The following SLC2A9 variants were observed in gnomAD, a reference collection of about 807,000 sequenced individuals.
SLC2A9 encodes the protein solute carrier family 2 member 9, also known as solute carrier family 2, facilitated glucose transporter member 9.
A neutral mutation model predicts 50.6 loss-of-function variants in SLC2A9; 39 were observed. The ratio of observed to expected loss-of-function variants is 0.77; its 90% CI spans 0.60 to 1.01. The LOEUF (loss-of-function observed/expected upper bound fraction) is 1.01. SLC2A9 is among the 50% of genes least tolerant of loss of function. The probability of loss-of-function intolerance (pLI) is 0.00; values close to 1 mark genes in which losing one functional copy is unlikely to be tolerated. For missense variants in SLC2A9, 686 were observed against 677.6 expected (o/e 1.01, Z -0.14); for synonymous variants, 324 against 276.9 (o/e 1.17, Z -1.69).
At chr4:9,874,801 T>C (rs2109546333) in intron 10 of SLC2A9, among the ~76,000 whole-genome samples, 1 of 152,240 alleles carries the variant, frequency 6.6e-6, no homozygotes, top group Middle Eastern at 3.4e-3. Flanking sequence ...AGTTAGTGTC[T>C]GTCTAATGTG....
intron 6 of SLC2A9, among the ~76,000 whole-genome samples, chr4:9,930,265 C>T (rs964889247): frequency 5.3e-5 from 8 of 152,172 alleles, no homozygotes; most frequent in East Asian, 1.9e-4. Context: ...CAGAGCAAGA[C>T]GGATATCTGT....
chr4:9,980,180 G>C (rs533298315), intron 5 of SLC2A9, among the ~76,000 whole-genome samples: 43 of 152,236 alleles, frequency 2.8e-4, no homozygotes, highest in Non-Finnish European at 5.6e-4. Context: ...TAAAGAATGA[G>C]GTAGAGCTAA....
intron 3 of SLC2A9, among the ~76,000 whole-genome samples, chr4:9,801,794 T>A: frequency 6.6e-6 from 1 of 151,980 alleles, no homozygotes; most frequent in East Asian, 1.9e-4. Flanking sequence ...AGTTGTAACA[T>A]GGACAATGCA....
At chr4:9,878,679 C>T (rs1459235628) in intron 10 of SLC2A9, among the ~76,000 whole-genome samples, 3 of 151,956 alleles carry the variant, frequency 2.0e-5, no homozygotes, top group Non-Finnish European at 4.4e-5. Context: ...GTCATGCTAG[C>T]AAATAATTAT....
rs1755142942 is a variant in SLC2A9, at chr4:9,978,311, G to C, written c.681+2281C>G. Among the ~76,000 whole-genome samples the C allele has an allele frequency of 2.0e-5, 3 of 152,172 alleles. No homozygotes were observed. In the South Asian group the frequency reaches 6.2e-4, roughly 31 times the overall value. On this transcript the variant is annotated intron_variant, in intron 5 of 11. Coordinates refer to ENST00000264784, the MANE Select transcript of SLC2A9 (RefSeq NM_020041.3). ...CAAATGTGGTGAATGAATAAATAAA[G>C]GGTGAAGACAGAGGTTGAAGACAGA...
At chr4:9,844,180 AGT>A in intron 10 of SLC2A9, among the ~76,000 whole-genome samples, 12 of 148,996 alleles carry the variant, frequency 8.1e-5, no homozygotes, top group Non-Finnish European at 1.8e-4. Flanking sequence ...AAAAAAAAAA[AGT>A]CCTTCTGACT....
chr4:9,820,024 T>C (rs10020053), intron 3 of SLC2A9, among the ~76,000 whole-genome samples: 82,715 of 152,146 alleles, frequency 0.54, 23,585 homozygotes, highest in Non-Finnish European at 0.63. Context: ...TTTTCTTTTA[T>C]GGATTGTGTT....
intron 3 of SLC2A9, among the ~76,000 whole-genome samples, chr4:9,819,339 A>G (rs574029544): frequency 3.3e-5 from 5 of 152,180 alleles, no homozygotes; most frequent in Non-Finnish European, 7.4e-5. Context: ...TCTTGCCAAC[A>G]CTTGGTACTA....
intron 10 of SLC2A9, among the ~76,000 whole-genome samples, chr4:9,848,537 T>A (rs1456270576): frequency 6.6e-6 from 1 of 152,116 alleles, no homozygotes; most frequent in Admixed American, 6.5e-5. Flanking sequence ...TGCTTGTTCA[T>A]TGTGCTCCTC....
chr4:9,931,623 G>A (rs1191176779), intron 6 of SLC2A9, among the ~76,000 whole-genome samples: 2 of 152,216 alleles, frequency 1.3e-5, no homozygotes, highest in East Asian at 3.9e-4. Context: ...AGGAGTTCAT[G>A]CTCTGACCTA....
chr4:9,957,963 C>T (rs1275208472), intron 5 of SLC2A9, among the ~76,000 whole-genome samples: 1 of 152,098 alleles, frequency 6.6e-6, no homozygotes, highest in Non-Finnish European at 1.5e-5. Flanking sequence ...GAAAGATTCT[C>T]ACCTATGGAA....
intron 3 of SLC2A9, among the ~76,000 whole-genome samples, chr4:9,996,172 G>A (rs187577146): frequency 6.6e-6 from 1 of 152,328 alleles, no homozygotes; most frequent in Admixed American, 6.5e-5. Flanking sequence ...TATTTGTAAT[G>A]TAAATGATCT....
chr4:9,907,691 C>A (rs189677512), intron 8 of SLC2A9, among the ~76,000 whole-genome samples: 1 of 152,142 alleles, frequency 6.6e-6, no homozygotes, highest in South Asian at 2.1e-4. Flanking sequence ...TTTCACAGGG[C>A]ATTCATATTT....
At chr4:9,793,869 T>C (rs1720265483) in intron 3 of SLC2A9, among the ~76,000 whole-genome samples, 1 of 152,194 alleles carries the variant, frequency 6.6e-6, no homozygotes, top group Non-Finnish European at 1.5e-5. Context: ...ATCAATAATT[T>C]AAGCAACTTT....
At chr4:9,973,966 C>T (rs78685278) in intron 5 of SLC2A9, among the ~76,000 whole-genome samples, 3,680 of 151,972 alleles carry the variant, frequency 0.024, 172 homozygotes, top group African/African-American at 0.084. Flanking sequence ...TATCAAAAGT[C>T]AATTCACCAT....
chr4:9,804,665 T>A (rs1416371935), intron 3 of SLC2A9, among the ~76,000 whole-genome samples: 1 of 152,176 alleles, frequency 6.6e-6, no homozygotes. Flanking sequence ...TTTCCTATTA[T>A]TGTGTTGGAA....
intron 1 of SLC2A9, among the ~76,000 whole-genome samples, chr4:10,038,259 T>A (rs1370487202): frequency 6.6e-6 from 1 of 151,986 alleles, no homozygotes; most frequent in East Asian, 1.9e-4. Context: ...GTAATCCCAG[T>A]GCTTTGAGAG....
Position 9,826,557 on chromosome 4 carries a change from C to T in SLC2A9, c.1463G>A (p.Cys488Tyr). 6.2e-7 allele frequency: 1 copy of T among 1,613,970 alleles called. No individual in the cohort carries two copies. Among genetic ancestry groups the T allele is most frequent in the Non-Finnish European group, 8.5e-7 (1 of 1,179,902 alleles). Residue 488 changes from cysteine (C) to tyrosine (Y), a missense_variant, in exon 12 of 12, where the codon TGT becomes TAT. Coordinates refer to ENST00000264784, the MANE Select transcript of SLC2A9 (RefSeq NM_020041.3). ...ATACAGGTAGATAGCACCTGTGATA[C>T]AAATTGTAGCAAAGACTAGGAAACA... ...TYCFLVFATI[C>Y]ITGAIYLYFV...
At chr4:9,809,551 C>G (rs1029841484) in intron 3 of SLC2A9, among the ~76,000 whole-genome samples, 1 of 152,154 alleles carries the variant, frequency 6.6e-6, no homozygotes, top group East Asian at 1.9e-4. Context: ...AGAGAAGAAG[C>G]AAACAACTGA....
Sources: allele counts gnomAD v4.1 joint callset (sites outside exome capture counted in the v4.1 genomes callset), GRCh38; gene constraint gnomAD v4.1.1; transcripts MANE v1.5; gene names NCBI Gene and HGNC (gene_info 2026-07-23, HGNC 2026-07-21).